The following GALNT6 variants were observed in gnomAD, a reference collection of about 807,000 sequenced individuals.
GALNT6 encodes polypeptide N-acetylgalactosaminyltransferase 6.
A neutral mutation model predicts 65.9 loss-of-function variants in GALNT6; 51 were observed. The ratio of observed to expected loss-of-function variants is 0.77; its 90% CI spans 0.62 to 0.98. The LOEUF (loss-of-function observed/expected upper bound fraction) is 0.98, where lower values mean the gene tolerates loss of function less well. Among genes scored for constraint, GALNT6 ranks in the 50% least tolerant of loss-of-function variants. The pLI is 0.00. For missense variants in GALNT6, 708 were observed against 803.3 expected (o/e 0.88, Z 1.43); for synonymous variants, 323 against 315.1 (o/e 1.02, Z -0.26).
chr12:51,356,353 C>CTTT (rs58408607), intron 10 of GALNT6, among the ~76,000 whole-genome samples: 26 of 66,946 alleles, frequency 3.9e-4, no homozygotes, highest in African/African-American at 6.3e-4. Flanking sequence ...TATATTTTCT[C>CTTT]TTTTTTTTTT....
chr12:51,356,025 A>G, intron 10 of GALNT6, 67 bp from the exon 11 acceptor site: 1 of 1,486,850 alleles, frequency 6.7e-7, no homozygotes, highest in Non-Finnish European at 9.4e-7. Context: ...ACCTGCCCTG[A>G]GCTGTCTACC....
chr12:51,359,102 T>C, intron 8 of GALNT6, 30 bp downstream of exon 8: 1 of 1,577,888 alleles, frequency 6.3e-7, no homozygotes, highest in Non-Finnish European at 8.7e-7. Context: ...TCTCTTCATC[T>C]AAACCTCTCC....
intron 4 of GALNT6, among the ~76,000 whole-genome samples, chr12:51,376,568 G>A (rs1295127914): frequency 2.0e-5 from 3 of 149,966 alleles, no homozygotes; most frequent in Admixed American, 1.3e-4. Flanking sequence ...GGGAGGCGGA[G>A]GTTGTGGTGA....
chr12:51,355,090 C>T (rs954309786), intron 11 of GALNT6, among the ~76,000 whole-genome samples: 9 of 152,182 alleles, frequency 5.9e-5, no homozygotes, highest in Admixed American at 1.3e-4. Context: ...GGGCTTCCTC[C>T]GGCTCCAGCT....
chr12:51,377,954 T>C (rs536994132), intron 3 of GALNT6, among the ~76,000 whole-genome samples: 1 of 152,340 alleles, frequency 6.6e-6, no homozygotes, highest in South Asian at 2.1e-4. Flanking sequence ...CCAGCTACTC[T>C]GTGGCACTTG....
Position 51,357,379 on chromosome 12 carries a change from CATG to C in GALNT6, c.1569_1571del (p.Ile523del). The C allele has an allele frequency of 6.2e-7, 1 of 1,613,878 alleles. No individual in the cohort carries two copies. Among genetic ancestry groups the C allele is most frequent in the Non-Finnish European group, 8.5e-7 (1 of 1,179,774 alleles). ...TGCCGCCAAGGCCGTGGCAGGAGTA[CATG>C]ATGAGGGGCTTCCCCCCGCGGTTGT... On this transcript the variant is annotated inframe_deletion, in exon 10 of 12. Coordinates refer to ENST00000356317, the MANE Select transcript of GALNT6 (RefSeq NM_007210.4).
At chr12:51,366,386 TAC>T in intron 4 of GALNT6, among the ~76,000 whole-genome samples, 1 of 152,354 alleles carries the variant, frequency 6.6e-6, no homozygotes, top group East Asian at 1.9e-4. Context: ...TGGGTGGGCA[TAC>T]ACAAATGGTG....
chr12:51,374,325 T>A (rs574320493), intron 4 of GALNT6, among the ~76,000 whole-genome samples: 1 of 152,042 alleles, frequency 6.6e-6, no homozygotes, highest in East Asian at 1.9e-4. Context: ...AATACCACCA[T>A]GCCTGCTAAT....
At chr12:51,372,474 G>A (rs1161119970) in intron 4 of GALNT6, among the ~76,000 whole-genome samples, 5 of 152,188 alleles carry the variant, frequency 3.3e-5, no homozygotes, top group African/African-American at 1.2e-4. Context: ...CTCCCAAAGT[G>A]CTGGGATTAC....
chr12:51,381,424 A>C (rs906455936), intron 2 of GALNT6, among the ~76,000 whole-genome samples: 1 of 152,198 alleles, frequency 6.6e-6, no homozygotes, highest in East Asian at 1.9e-4. Flanking sequence ...TTCTGTGCAG[A>C]GTTCTGGACA....
At chr12:51,372,834 C>G (rs920231076) in intron 4 of GALNT6, among the ~76,000 whole-genome samples, 1 of 152,208 alleles carries the variant, frequency 6.6e-6, no homozygotes, top group Non-Finnish European at 1.5e-5. Flanking sequence ...AGAACCCCCA[C>G]GTCCAAGGCT....
intron 4 of GALNT6, among the ~76,000 whole-genome samples, chr12:51,373,552 A>G (rs1477058468): frequency 2.0e-5 from 3 of 152,190 alleles, no homozygotes; most frequent in Non-Finnish European, 2.9e-5. Flanking sequence ...TCTCTCCTTT[A>G]TAAATGAGAA....
chr12:51,358,104 C>G (rs1195407775), intron 9 of GALNT6, 26 bp downstream of exon 9: 1 of 1,606,006 alleles, frequency 6.2e-7, no homozygotes. Context: ...TGGTGATGGG[C>G]AGGCAGGTTG....
chr12:51,375,434 T>C, intron 4 of GALNT6, among the ~76,000 whole-genome samples: 1 of 152,194 alleles, frequency 6.6e-6, no homozygotes, highest in Non-Finnish European at 1.5e-5. Flanking sequence ...ATTGTTCTCG[T>C]ACCATGAATA....
At position 51,360,676 on chromosome 12, in the gene GALNT6, C is replaced by T. The variant is rs371198609; in HGVS notation, c.1167+45G>A. Reference sequence around the variant, plus strand: ...GCCTGAGAGATGTTTCTCAAGCTGTCGCCTGGGATGTTGTGGTTCCCCCCA... The same window carrying T: ...GCCTGAGAGATGTTTCTCAAGCTGTTGCCTGGGATGTTGTGGTTCCCCCCA... On this transcript the variant is annotated intron_variant, in intron 7 of 11. Transcript: ENST00000356317. 2.7e-5 allele frequency: 30 copies of T among 1,100,362 alleles called. 1 individual carries two copies. The highest frequency in any genetic ancestry group is 1.6e-4 in the South Asian group (13 of 79,758). The allele number at this position is 1,100,362 out of a possible 1,614,324, so 68.2% of individuals were successfully genotyped here. A position where few individuals can be genotyped will look rare whatever the true frequency, so the allele number is the denominator to read the frequency against.
At chr12:51,390,425 A>G (rs1948029271) in intron 2 of GALNT6, among the ~76,000 whole-genome samples, 1 of 152,082 alleles carries the variant, frequency 6.6e-6, no homozygotes, top group Non-Finnish European at 1.5e-5. Flanking sequence ...CAGCCTCCCA[A>G]AGTGCTGGGA....
chr12:51,364,951 G>T (rs1420090553), intron 5 of GALNT6, among the ~76,000 whole-genome samples: 3 of 152,180 alleles, frequency 2.0e-5, no homozygotes, highest in Admixed American at 6.5e-5. Context: ...CTGACTCCAA[G>T]ACTAGAGCTT....
chr12:51,381,174 A>G lies in GALNT6; in HGVS notation c.-103-1290T>C, dbSNP rs569491488. Reference sequence around the variant, plus strand: ...AGGACTGCTGGAGCCCAGGAGGTTAAGGCTGCAGTGAGCTATAATCGCACC... The same window carrying G: ...AGGACTGCTGGAGCCCAGGAGGTTAGGGCTGCAGTGAGCTATAATCGCACC... On this transcript the variant is annotated intron_variant, in intron 2 of 11. Coordinates refer to ENST00000356317, the MANE Select transcript of GALNT6 (RefSeq NM_007210.4). Among the ~76,000 whole-genome samples the G allele has an allele frequency of 9.2e-5, 14 of 152,358 alleles. No individual in the cohort carries two copies. The South Asian group carries it at 1.0e-3, about 11-fold the overall frequency.
At chr12:51,359,062 G>A in intron 8 of GALNT6, 70 bp downstream of exon 8, 7 of 1,224,050 alleles carry the variant, frequency 5.7e-6, no homozygotes, top group Non-Finnish European at 8.4e-6. Context: ...CCAGCCATTA[G>A]GCCCATGAAC....
Sources: gnomAD v4.1 joint callset for allele counts (sites outside exome capture counted in the v4.1 genomes callset) on GRCh38, gnomAD v4.1.1 for gene constraint, MANE v1.5 for transcripts, NCBI Gene and HGNC (gene_info 2026-07-23, HGNC 2026-07-21) for gene names.